The following EPB41L5 variants were observed in gnomAD, a reference collection of about 807,000 sequenced individuals.
EPB41L5 encodes the protein band 4.1-like protein 5.
Under a neutral mutation model 106.6 loss-of-function variants are expected in EPB41L5, and 55 were observed. The ratio of observed to expected loss-of-function variants is 0.52; its 90% CI spans 0.42 to 0.65. The LOEUF is 0.65. EPB41L5 is among the 30% of genes least tolerant of loss of function. The probability of loss-of-function intolerance (pLI) is 0.00; values close to 1 mark genes in which losing one functional copy is unlikely to be tolerated. For synonymous variants in EPB41L5, 297 were observed against 306.7 expected, an observed-to-expected ratio of 0.97 and a Z score of 0.33; for missense variants, 871 against 882.1, an observed-to-expected ratio of 0.99 and a Z score of 0.16.
chr2:120,066,312 CATT>C (rs1681440734), intron 3 of EPB41L5, among the ~76,000 whole-genome samples: 1 of 152,034 alleles, frequency 6.6e-6, no homozygotes, highest in African/African-American at 2.4e-5. Context: ...ATCTCTGTTA[CATT>C]ATTATTACAG....
At position 120,077,302 on chromosome 2, in the gene EPB41L5, A is replaced by G. The variant is rs1682314760; in HGVS notation, c.700A>G (p.Met234Val). 3 of 1,611,680 alleles carry G rather than the reference A, an allele frequency of 1.9e-6. No individual in the cohort carries two copies. The highest frequency in any genetic ancestry group is 3.3e-4 in the Middle Eastern group (2 of 6,050). ...AKWLEMYGVD[M>V]HVVKARDGND... ...ATGGCTAGAAATGTATGGGGTTGAT[A>G]TGCATGTGGTCAAGGTAAGCATTGT... Residue 234 changes from methionine to valine, a missense_variant, in exon 9 of 25, where the codon ATG becomes GTG. Transcript: ENST00000263713.
intron 3 of EPB41L5, among the ~76,000 whole-genome samples, chr2:120,072,768 T>A (rs1342922280): frequency 6.6e-6 from 1 of 152,016 alleles, no homozygotes; most frequent in Non-Finnish European, 1.5e-5. Context: ...CATCACATAC[T>A]GGCGCCTGTT....
chr2:120,167,521 ATT>A lies in EPB41L5; in HGVS notation c.2004+16_2004+17del. The A allele has an allele frequency of 6.2e-7, 1 of 1,613,296 alleles. No individual in the cohort carries two copies. Among genetic ancestry groups the A allele is most frequent in the Non-Finnish European group, 8.5e-7 (1 of 1,179,248 alleles). On this transcript the variant is annotated intron_variant, in intron 23 of 24. Transcript: ENST00000263713. Reference sequence around the variant, plus strand: ...TGGATTGTTCCGGTAAGTTCATGTTATTTGTGATTTTTCTTCTGGCTACCCTT... The same window carrying A: ...TGGATTGTTCCGGTAAGTTCATGTTATGTGATTTTTCTTCTGGCTACCCTT...
chr2:120,122,584 T>A (rs924768179), intron 16 of EPB41L5, among the ~76,000 whole-genome samples: 2 of 152,158 alleles, frequency 1.3e-5, no homozygotes, highest in African/African-American at 4.8e-5. Context: ...TGTAGCCTTG[T>A]AGTATAGTTT....
At position 120,075,713 on chromosome 2, in the gene EPB41L5, C is replaced by T; in HGVS notation, c.465C>T (p.Pro155=). 6.2e-7 allele frequency: 1 copy of T among 1,613,556 alleles called. No homozygotes were observed. Among genetic ancestry groups the T allele is most frequent in the Non-Finnish European group, 8.5e-7 (1 of 1,179,672 alleles). Residue 155 remains proline (P), a synonymous_variant, in exon 7 of 25, where the codon CCC becomes CCT. Transcript: ENST00000263713. Reference sequence around the variant, plus strand: ...GTTTTGGTCTCAGATTAGACTGTCCCTTTGATACAGCAGTGCAATTGGCAG... The same window carrying T: ...GTTTTGGTCTCAGATTAGACTGTCCTTTTGATACAGCAGTGCAATTGGCAG... ...QDILSGKLDC[P]FDTAVQLAAY...
chr2:120,079,272 T>C (rs888490418), intron 10 of EPB41L5, among the ~76,000 whole-genome samples: 1 of 152,208 alleles, frequency 6.6e-6, no homozygotes, highest in Admixed American at 6.5e-5. Context: ...CATAGCCCAC[T>C]ACGTATATTT....
intron 20 of EPB41L5, among the ~76,000 whole-genome samples, chr2:120,154,886 A>G (rs1686835994): frequency 2.0e-5 from 3 of 152,160 alleles, no homozygotes; most frequent in Admixed American, 6.5e-5. Context: ...AGATCGTGCC[A>G]CTGCAGTCCA....
intron 3 of EPB41L5, among the ~76,000 whole-genome samples, chr2:120,063,512 A>G (rs1423290701): frequency 6.6e-6 from 1 of 152,082 alleles, no homozygotes; most frequent in Non-Finnish European, 1.5e-5. Flanking sequence ...CTCGTGAAAA[A>G]ACTACCATAT....
rs112250729 is a variant in EPB41L5, at chr2:120,042,016, A to G, written c.191A>G (p.Lys64Arg). ...ATCTTGCCATTTCAGAAAAAAGCCAAAGGACAAGAGTTGTTTGATCAGATT... is the reference window on the plus strand; with the variant it reads ...ATCTTGCCATTTCAGAAAAAAGCCAGAGGACAAGAGTTGTTTGATCAGATT... Reference protein sequence around the residue: ...DVSVDLPKKAKGQELFDQIMY... With the variant: ...DVSVDLPKKARGQELFDQIMY... The change falls in exon 3 of 25, where the codon AAA (lysine) becomes AGA (arginine). Residue 64 changes from lysine to arginine, a missense_variant. By Grantham distance (26) the Lys-to-Arg change is conservative. Transcript: ENST00000263713. 1.1e-5 allele frequency: 17 copies of G among 1,609,204 alleles called. No homozygotes were observed. In the African/African-American group the frequency reaches 1.1e-4, roughly 10 times the overall value.
At chr2:120,065,185 T>A (rs905920455) in intron 3 of EPB41L5, among the ~76,000 whole-genome samples, 3 of 152,054 alleles carry the variant, frequency 2.0e-5, no homozygotes, top group African/African-American at 7.2e-5. Flanking sequence ...GTATCATAGT[T>A]CCCTTGAAGC....
chr2:120,104,520 C>T (rs1684336390), intron 16 of EPB41L5: 7 of 1,061,326 alleles, frequency 6.6e-6, no homozygotes, highest in Non-Finnish European at 8.0e-6. Flanking sequence ...GTTCACACAT[C>T]ACCAGACTGT....
In EPB41L5 at chr2:120,030,398, A is replaced by G. The variant is rs185213733; in HGVS notation, c.180+11134A>G. ...TTGCAGACCCTGCACTGGATGGATC[A>G]GCTGAGATCACCCAGATCGGTAATC... On this transcript the variant is annotated intron_variant, in intron 2 of 24. Transcript: ENST00000263713. Among the ~76,000 whole-genome samples the G allele has an allele frequency of 3.3e-5, 5 of 152,314 alleles. No individual in the cohort carries two copies. The East Asian group carries it at 9.6e-4, about 29-fold the overall frequency.
At position 120,100,287 on chromosome 2, in the gene EPB41L5, G is replaced by GT; in HGVS notation, c.1221+2dup. On this transcript the variant is annotated splice_donor_variant, in intron 15 of 24. Coordinates refer to ENST00000263713, the MANE Select transcript of EPB41L5 (RefSeq NM_020909.4). LOFTEE classifies it high-confidence loss of function. ...GACCCAAAGTAATGGCTCCCAACAG[G>GT]TAAGACAATACTAAGCTTCTAAAAC... 1 of 1,612,712 alleles carries GT rather than the reference G, an allele frequency of 6.2e-7. No homozygotes were observed. The highest frequency in any genetic ancestry group is 8.5e-7 in the Non-Finnish European group (1 of 1,179,070).
At chr2:120,108,258 G>A (rs1463955368) in intron 16 of EPB41L5, 1 of 152,046 alleles carries the variant, frequency 6.6e-6, no homozygotes, top group Non-Finnish European at 1.5e-5. Context: ...CTGATTCAGA[G>A]AACAGTGTTT....
chr2:120,087,375 A>C (rs918739777), intron 11 of EPB41L5, 135 bp downstream of exon 11: 1 of 518,532 alleles, frequency 1.9e-6, no homozygotes, highest in Non-Finnish European at 3.4e-6. Context: ...AATGCTTTAA[A>C]TAATTTCCTT....
At chr2:120,091,800 C>T (rs1683429510) in intron 13 of EPB41L5, 139 bp downstream of exon 13, 1 of 642,190 alleles carries the variant, frequency 1.6e-6, no homozygotes, top group South Asian at 2.1e-5. Context: ...CTGGCAGAAT[C>T]AATTTCATGG....
intron 16 of EPB41L5, among the ~76,000 whole-genome samples, chr2:120,114,685 T>C (rs1684870563): frequency 6.6e-6 from 1 of 152,226 alleles, no homozygotes; most frequent in Non-Finnish European, 1.5e-5. Context: ...AGCAGATACA[T>C]ACTTTTGAAA....
intron 3 of EPB41L5, among the ~76,000 whole-genome samples, chr2:120,068,678 G>A (rs942068930): frequency 2.0e-5 from 3 of 152,150 alleles, no homozygotes; most frequent in Non-Finnish European, 2.9e-5. Flanking sequence ...CGGGCTAAAT[G>A]TCCCAATTAA....
At chr2:120,079,223 G>C (rs562601102) in intron 10 of EPB41L5, among the ~76,000 whole-genome samples, 1 of 152,214 alleles carries the variant, frequency 6.6e-6, no homozygotes, top group South Asian at 2.1e-4. Context: ...AAGACCTCTG[G>C]CATCAAACTC....
Sources: allele counts gnomAD v4.1 joint callset (sites outside exome capture counted in the v4.1 genomes callset), GRCh38; gene constraint gnomAD v4.1.1; transcripts MANE v1.5; gene names NCBI Gene and HGNC (gene_info 2026-07-23, HGNC 2026-07-21).